The following PARD3B variants were observed in gnomAD, a reference collection of about 807,000 sequenced individuals.
The protein encoded by PARD3B is partitioning defective 3 homolog B.
A neutral mutation model predicts 130.2 loss-of-function variants in PARD3B; 103 were observed. The observed-to-expected ratio is 0.79, with a 90% CI of 0.67 to 0.93. The LOEUF is 0.93. Ranked by LOEUF, PARD3B falls within the 40% of genes least tolerant of loss-of-function variation. The pLI is 0.00. For missense variants in PARD3B, 1,609 were observed against 1,499.2 expected (o/e 1.07, Z -1.21); for synonymous variants, 583 against 553.2 (o/e 1.05, Z -0.76).
intron 15 of PARD3B, among the ~76,000 whole-genome samples, chr2:205,194,697 A>G (rs2036573371): frequency 6.6e-6 from 1 of 152,168 alleles, no homozygotes; most frequent in Non-Finnish European, 1.5e-5. Context: ...TTAAATTAAG[A>G]GAGAAAAAAT....
At chr2:205,149,041 G>A (rs1251441390) in intron 10 of PARD3B, among the ~76,000 whole-genome samples, 1 of 152,250 alleles carries the variant, frequency 6.6e-6, no homozygotes, top group East Asian at 1.9e-4. Context: ...ACTTGCATGC[G>A]TGAATCAGGC....
chr2:204,612,546 A>G (rs1389666857), intron 1 of PARD3B, among the ~76,000 whole-genome samples: 1 of 152,158 alleles, frequency 6.6e-6, no homozygotes, highest in Non-Finnish European at 1.5e-5. Context: ...GTCAACAAAA[A>G]TTTACAACTT....
At chr2:205,174,893 C>A (rs1488241234) in intron 12 of PARD3B, among the ~76,000 whole-genome samples, 1 of 152,118 alleles carries the variant, frequency 6.6e-6, no homozygotes, top group Non-Finnish European at 1.5e-5. Context: ...TAAACAGAAA[C>A]ATATTTTTCA....
At chr2:204,776,954 T>C (rs929786438) in intron 2 of PARD3B, among the ~76,000 whole-genome samples, 1 of 151,976 alleles carries the variant, frequency 6.6e-6, no homozygotes, top group Non-Finnish European at 1.5e-5. Context: ...AGTGAGTAGA[T>C]AGCAATGCCT....
At position 205,162,797 on chromosome 2, in the gene PARD3B, T is replaced by C. The variant is rs1275327139; in HGVS notation, c.1620+3890T>C. ...ATGTCCCTAAATCCACATCAAAATT[T>C]GCGTTTTATTTTGTCCAGGAAAGCA... On this transcript the variant is annotated intron_variant, in intron 11 of 22. Transcript: ENST00000406610. Among the ~76,000 whole-genome samples, 4 of 152,316 alleles carry C rather than the reference T, an allele frequency of 2.6e-5. 1 individual carries two copies. Among genetic ancestry groups the C allele is most frequent in the African/African-American group, 9.6e-5 (4 of 41,582 alleles).
intron 21 of PARD3B, among the ~76,000 whole-genome samples, chr2:205,552,769 C>A (rs961924923): frequency 6.6e-6 from 1 of 151,742 alleles, no homozygotes; most frequent in East Asian, 2.0e-4. Flanking sequence ...GCTATAATGG[C>A]GTGAAAACTA....
chr2:204,730,147 T>C (rs1024939136), intron 2 of PARD3B, among the ~76,000 whole-genome samples: 1 of 152,100 alleles, frequency 6.6e-6, no homozygotes, highest in Admixed American at 6.6e-5. Context: ...CAATCTTGGC[T>C]CACTGCAACC....
intron 2 of PARD3B, among the ~76,000 whole-genome samples, chr2:204,879,530 C>T (rs772818691): frequency 1.2e-4 from 18 of 152,130 alleles, no homozygotes; most frequent in Non-Finnish European, 2.4e-4. Flanking sequence ...ATGGTCAGCT[C>T]TAAGACTGCT....
intron 11 of PARD3B, among the ~76,000 whole-genome samples, chr2:205,165,273 T>C (rs1008209757): frequency 6.6e-6 from 1 of 152,078 alleles, no homozygotes; most frequent in African/African-American, 2.4e-5. Flanking sequence ...GCACAGAATG[T>C]TATTATTGTA....
intron 22 of PARD3B, among the ~76,000 whole-genome samples, chr2:205,601,643 A>G (rs946231792): frequency 1.3e-5 from 2 of 152,156 alleles, no homozygotes; most frequent in African/African-American, 4.8e-5. Flanking sequence ...TTTTACATTT[A>G]GGTCTTTAAT....
chr2:204,797,281 A>G (rs142438313), intron 2 of PARD3B, among the ~76,000 whole-genome samples: 169 of 152,256 alleles, frequency 1.1e-3, no homozygotes, highest in African/African-American at 3.7e-3. Flanking sequence ...ATTATAACAT[A>G]TGAAATAACT....
intron 1 of PARD3B, among the ~76,000 whole-genome samples, chr2:204,604,465 T>A (rs148739366): frequency 6.6e-6 from 1 of 152,246 alleles, no homozygotes; most frequent in African/African-American, 2.4e-5. Context: ...GTCTTTCCAA[T>A]GGACATTTTT....
At chr2:204,587,189 A>G (rs1467483488) in intron 1 of PARD3B, among the ~76,000 whole-genome samples, 1 of 152,184 alleles carries the variant, frequency 6.6e-6, no homozygotes, top group African/African-American at 2.4e-5. Context: ...CAGAGAAGAT[A>G]TGACTTATAC....
In PARD3B at chr2:205,047,567, A is replaced by G. The variant is rs1423815864; in HGVS notation, c.395-14A>G. On this transcript the variant is annotated splice_polypyrimidine_tract_variant and intron_variant, in intron 3 of 22. Coordinates refer to ENST00000406610, the MANE Select transcript of PARD3B (RefSeq NM_001302769.2). ...GGGTTCTTTTGACCTCTCACCTCTC[A>G]CTTTGTCTTCCAGGCACTCCACTGC... 1 of 1,533,002 alleles carries G rather than the reference A, an allele frequency of 6.5e-7. No individual in the cohort carries two copies. Among genetic ancestry groups the G allele is most frequent in the South Asian group, 1.2e-5 (1 of 83,496 alleles). 95.0% of individuals were successfully genotyped at this position (1,533,002 alleles called of 1,614,324 possible). A position where few individuals can be genotyped will look rare whatever the true frequency, so the allele number is the denominator to read the frequency against.
chr2:205,033,474 G>A lies in PARD3B; in HGVS notation c.395-14107G>A, dbSNP rs1575596057. The stretch of plus-strand genomic sequence containing the variant: ...AAACACTCCCAAATTAAGGCTTTCT[G>A]GTAATGTTTTCTAACCGTATTCTGT... On this transcript the variant is annotated intron_variant, in intron 3 of 22. Coordinates refer to ENST00000406610, the MANE Select transcript of PARD3B (RefSeq NM_001302769.2). 5.3e-5 allele frequency among the ~76,000 whole-genome samples: 8 copies of A among 152,086 alleles called. No individual in the cohort carries two copies. In the East Asian group the frequency reaches 1.5e-3, roughly 29 times the overall value.
At chr2:204,945,734 A>G (rs1313053931) in intron 2 of PARD3B, among the ~76,000 whole-genome samples, 1 of 152,218 alleles carries the variant, frequency 6.6e-6, no homozygotes, top group African/African-American at 2.4e-5. Flanking sequence ...ATTATAGGTC[A>G]TAAAACCCAG....
At position 205,341,468 on chromosome 2, in the gene PARD3B, G is replaced by A. The variant is rs968201094; in HGVS notation, c.2630+39767G>A. Among the ~76,000 whole-genome samples, 4 of 152,078 alleles carry A rather than the reference G, an allele frequency of 2.6e-5. No homozygotes were observed. Among genetic ancestry groups the A allele is most frequent in the African/African-American group, 4.8e-5 (2 of 41,442 alleles). ...CATGGATGAGCCTGGAGGACATTAT[G>A]TTAAACAAAATAAGTCAGGCACAGA... is the stretch of plus-strand genomic sequence containing the variant. On this transcript the variant is annotated intron_variant, in intron 18 of 22. Transcript: ENST00000406610. The surrounding 1 kb of genome is among the most constrained non-coding windows in gnomAD (Gnocchi z 4.3).
intron 1 of PARD3B, among the ~76,000 whole-genome samples, chr2:204,660,409 A>T (rs931203167): frequency 3.9e-5 from 6 of 152,226 alleles, no homozygotes; most frequent in Non-Finnish European, 8.8e-5. Context: ...AAACAAATGA[A>T]GTTATTTATT....
chr2:205,442,630 A>G (rs2047760415), intron 20 of PARD3B, among the ~76,000 whole-genome samples: 1 of 152,040 alleles, frequency 6.6e-6, no homozygotes, highest in African/African-American at 2.4e-5. Flanking sequence ...CAGTCTTTTT[A>G]TGCCTAATAT....
Sources: allele counts gnomAD v4.1 joint callset (sites outside exome capture counted in the v4.1 genomes callset), GRCh38; gene constraint gnomAD v4.1.1; non-coding constraint Gnocchi (gnomAD v3.1); transcripts MANE v1.5; gene names NCBI Gene and HGNC (gene_info 2026-07-23, HGNC 2026-07-21).